The following EYA4 variants were observed in gnomAD, a reference collection of about 807,000 sequenced individuals.
The protein encoded by EYA4 is EYA transcriptional coactivator and phosphatase 4.
A neutral mutation model predicts 87.9 loss-of-function variants in EYA4; 31 were observed. The ratio of observed to expected loss-of-function variants is 0.35; its 90% CI spans 0.27 to 0.48. The LOEUF (loss-of-function observed/expected upper bound fraction) is 0.48. Ranked by LOEUF, EYA4 falls within the 20% of genes least tolerant of loss-of-function variation. The probability of loss-of-function intolerance (pLI) is 0.99; values close to 1 mark genes in which losing one functional copy is unlikely to be tolerated. For missense variants in EYA4, 678 were observed against 761.4 expected (o/e 0.89, Z 1.29); for synonymous variants, 263 against 270.6 (o/e 0.97, Z 0.28).
At chr6:133,420,782 A>G (rs939843000) in intron 3 of EYA4, among the ~76,000 whole-genome samples, 1 of 152,230 alleles carries the variant, frequency 6.6e-6, no homozygotes, top group Non-Finnish European at 1.5e-5. Flanking sequence ...TGCATTTGCT[A>G]CATGCAGACA....
intron 1 of EYA4, among the ~76,000 whole-genome samples, chr6:133,270,588 C>T (rs1776609388): frequency 6.6e-6 from 1 of 152,232 alleles, no homozygotes; most frequent in South Asian, 2.1e-4. Flanking sequence ...CTTCTACTAC[C>T]CATTCTGTAT....
chr6:133,333,951 A>G (rs2128390787), intron 2 of EYA4, among the ~76,000 whole-genome samples: 1 of 152,272 alleles, frequency 6.6e-6, no homozygotes, highest in South Asian at 2.1e-4. Context: ...GGCTCTATGT[A>G]TACTAAGGAA....
At chr6:133,388,823 C>G (rs1210552421) in intron 3 of EYA4, among the ~76,000 whole-genome samples, 1 of 152,178 alleles carries the variant, frequency 6.6e-6, no homozygotes, top group Non-Finnish European at 1.5e-5. Flanking sequence ...CTTCAGCTCC[C>G]TAGGTTTTAT....
intron 2 of EYA4, among the ~76,000 whole-genome samples, chr6:133,304,913 C>T (rs184173281): frequency 6.6e-6 from 1 of 152,148 alleles, no homozygotes; most frequent in African/African-American, 2.4e-5. Flanking sequence ...GAAATAATAT[C>T]AGTGAAATAT....
At chr6:133,318,196 A>G (rs1365301970) in intron 2 of EYA4, among the ~76,000 whole-genome samples, 2 of 152,174 alleles carry the variant, frequency 1.3e-5, no homozygotes, top group African/African-American at 4.8e-5. Context: ...TTTGTGAGCA[A>G]TTTAAGTCTC....
At chr6:133,401,797 A>T (rs1382799117) in intron 3 of EYA4, among the ~76,000 whole-genome samples, 3 of 152,212 alleles carry the variant, frequency 2.0e-5, no homozygotes, top group African/African-American at 7.2e-5. Context: ...GAGAAATATT[A>T]GTTGACCTAT....
intron 3 of EYA4, among the ~76,000 whole-genome samples, chr6:133,445,171 G>A (rs1388945015): frequency 6.6e-6 from 1 of 152,010 alleles, no homozygotes; most frequent in African/African-American, 2.4e-5. Context: ...TCTTATCCAA[G>A]TTTAATATAA....
intron 3 of EYA4, among the ~76,000 whole-genome samples, chr6:133,421,726 T>G (rs1453887079): frequency 6.6e-6 from 1 of 152,196 alleles, no homozygotes; most frequent in East Asian, 1.9e-4. Flanking sequence ...CTTTAGAAGG[T>G]GTTTTGCCTA....
intron 4 of EYA4, among the ~76,000 whole-genome samples, chr6:133,447,681 C>T (rs1211265541): frequency 2.0e-5 from 3 of 152,086 alleles, no homozygotes; most frequent in African/African-American, 7.2e-5. Context: ...AGGTTGTGTG[C>T]ATTGCAACTT....
chr6:133,519,375 A>G (rs1799899252), intron 17 of EYA4, among the ~76,000 whole-genome samples: 1 of 151,882 alleles, frequency 6.6e-6, no homozygotes, highest in African/African-American at 2.4e-5. Flanking sequence ...ACCTCTACGC[A>G]AATAAACTAG....
At chr6:133,329,831 A>G (rs1799679) in intron 2 of EYA4, among the ~76,000 whole-genome samples, 124,082 of 152,014 alleles carry the variant, frequency 0.82, 50,912 homozygotes, top group African/African-American at 0.89. Context: ...AGAACTAATA[A>G]GAATTATTTA....
chr6:133,392,497 C>T (rs2128497470), intron 3 of EYA4, among the ~76,000 whole-genome samples: 1 of 152,228 alleles, frequency 6.6e-6, no homozygotes, highest in East Asian at 1.9e-4. Flanking sequence ...GACAGATCAA[C>T]CGTGACTCAG....
chr6:133,399,196 G>A (rs532954863), intron 3 of EYA4, among the ~76,000 whole-genome samples: 2 of 152,186 alleles, frequency 1.3e-5, no homozygotes, highest in South Asian at 2.1e-4. Flanking sequence ...TTAGTGTCAG[G>A]CCAAGCATTT....
chr6:133,518,424 C>G (rs1799795637), intron 17 of EYA4, among the ~76,000 whole-genome samples: 1 of 152,026 alleles, frequency 6.6e-6, no homozygotes, highest in Non-Finnish European at 1.5e-5. Context: ...GATACAATTG[C>G]AGTTTTGCCA....
chr6:133,491,678 G>A (rs1243467107), intron 13 of EYA4, among the ~76,000 whole-genome samples: 3 of 152,184 alleles, frequency 2.0e-5, no homozygotes, highest in East Asian at 1.9e-4. Flanking sequence ...CAGGCCCGGC[G>A]CAGTGGGTTA....
intron 2 of EYA4, among the ~76,000 whole-genome samples, chr6:133,297,316 A>C (rs1779017730): frequency 6.6e-6 from 1 of 152,182 alleles, no homozygotes; most frequent in Non-Finnish European, 1.5e-5. Context: ...AGTTTGATTT[A>C]GGACTTGTTT....
At chr6:133,364,527 A>G (rs528618984) in intron 2 of EYA4, among the ~76,000 whole-genome samples, 5 of 152,280 alleles carry the variant, frequency 3.3e-5, no homozygotes, top group Admixed American at 2.6e-4. Context: ...CCAATAGTTG[A>G]CCTGTTTGTC....
intron 3 of EYA4, among the ~76,000 whole-genome samples, chr6:133,444,716 G>A (rs11961662): frequency 2.0e-5 from 3 of 151,978 alleles, no homozygotes; most frequent in Non-Finnish European, 2.9e-5. Flanking sequence ...GTTTAGTTGA[G>A]GGCAAGTTTT....
chr6:133,434,872 G>T (rs1331309128), intron 3 of EYA4, among the ~76,000 whole-genome samples: 1 of 152,140 alleles, frequency 6.6e-6, no homozygotes, highest in African/African-American at 2.4e-5. Context: ...GGCATTAAAT[G>T]TTTTGATTGT....
Sources: allele counts gnomAD v4.1 joint callset (sites outside exome capture counted in the v4.1 genomes callset), GRCh38; gene constraint gnomAD v4.1.1; transcripts MANE v1.5; gene names NCBI Gene and HGNC (gene_info 2026-07-23, HGNC 2026-07-21).